MAGI2: variants seen among roughly 807,000 people sequenced by gnomAD.
The protein encoded by MAGI2 is membrane-associated guanylate kinase, WW and PDZ domain-containing protein 2.
Under a neutral mutation model 133.3 loss-of-function variants are expected in MAGI2, and 35 were observed. The ratio of observed to expected loss-of-function variants is 0.26; its 90% CI spans 0.20 to 0.35. MAGI2 has a LOEUF of 0.35. Among genes scored for constraint, MAGI2 ranks in the 10% least tolerant of loss-of-function variants. The probability of loss-of-function intolerance (pLI) is 1.00; values close to 1 mark genes in which losing one functional copy is unlikely to be tolerated. For missense variants in MAGI2, 1,636 were observed against 1,863.4 expected (o/e 0.88, Z 2.25); for synonymous variants, 729 against 710.6 (o/e 1.03, Z -0.41).
intron 1 of MAGI2, among the ~76,000 whole-genome samples, chr7:79,374,687 G>T (rs1015626398): frequency 9.9e-5 from 15 of 151,800 alleles, no homozygotes; most frequent in African/African-American, 3.4e-4. Flanking sequence ...AAGAAGAAAT[G>T]CACACTTTTA....
intron 18 of MAGI2, among the ~76,000 whole-genome samples, chr7:78,132,327 G>A (rs1036104512): frequency 9.2e-5 from 14 of 152,156 alleles, no homozygotes; most frequent in African/African-American, 1.7e-4. Context: ...TCCTGTCTGC[G>A]CTCTGCAGGG....
chr7:78,584,912 C>A (rs951316245), intron 3 of MAGI2, among the ~76,000 whole-genome samples: 1 of 152,120 alleles, frequency 6.6e-6, no homozygotes, highest in Non-Finnish European at 1.5e-5. Flanking sequence ...ATGTACCTCA[C>A]AGGGGTTTTG....
chr7:78,289,333 A>T (rs991394011), intron 9 of MAGI2, among the ~76,000 whole-genome samples: 3 of 152,210 alleles, frequency 2.0e-5, no homozygotes, highest in Non-Finnish European at 4.4e-5. Context: ...TAGCTGATTC[A>T]GTCAAGTGGA....
chr7:78,648,855 C>T (rs949727380), intron 2 of MAGI2, among the ~76,000 whole-genome samples: 4 of 152,038 alleles, frequency 2.6e-5, no homozygotes, highest in Non-Finnish European at 5.9e-5. Context: ...TGCCTCTTCC[C>T]ATCTGCTCTA....
chr7:78,853,552 C>A (rs1248446008), intron 2 of MAGI2, among the ~76,000 whole-genome samples: 20 of 151,270 alleles, frequency 1.3e-4, no homozygotes, highest in Non-Finnish European at 2.5e-4. Flanking sequence ...GACAGGGTCT[C>A]ACCATGTTGC....
At chr7:79,111,636 T>C (rs1818930501) in intron 1 of MAGI2, among the ~76,000 whole-genome samples, 1 of 152,100 alleles carries the variant, frequency 6.6e-6, no homozygotes, top group South Asian at 2.1e-4. Context: ...TTCCCAAGGG[T>C]ACACAGTTGT....
At chr7:79,342,539 G>A (rs1840979532) in intron 1 of MAGI2, among the ~76,000 whole-genome samples, 1 of 152,134 alleles carries the variant, frequency 6.6e-6, no homozygotes, top group African/African-American at 2.4e-5. Context: ...AAAGGATATA[G>A]CCAAGAAACT....
chr7:78,301,146 G>C (rs1797785212), intron 9 of MAGI2, among the ~76,000 whole-genome samples: 1 of 152,080 alleles, frequency 6.6e-6, no homozygotes, highest in Non-Finnish European at 1.5e-5. Flanking sequence ...TGCTTCCATG[G>C]GTGCTAATTT....
intron 21 of MAGI2, among the ~76,000 whole-genome samples, chr7:78,042,243 A>G (rs1283063240): frequency 6.6e-6 from 1 of 152,190 alleles, no homozygotes; most frequent in East Asian, 1.9e-4. Flanking sequence ...TGGTTGAGGA[A>G]TATGTTCTTT....
chr7:79,408,107 A>C (rs1303381652), intron 1 of MAGI2, among the ~76,000 whole-genome samples: 1 of 152,158 alleles, frequency 6.6e-6, no homozygotes, highest in Non-Finnish European at 1.5e-5. Context: ...GAAATAGTCT[A>C]GCTTGGAAAG....
At position 78,256,226 on chromosome 7, in the gene MAGI2, A is replaced by G. The variant is rs1792959875; in HGVS notation, c.1764T>C (p.Asp588=). 1.2e-6 allele frequency: 2 copies of G among 1,614,078 alleles called. No homozygotes were observed. The highest frequency in any genetic ancestry group is 8.5e-7 in the Non-Finnish European group (1 of 1,179,996). ...LDGTYPPPVH[D]DNVSMASSGA... ...CAGATGAAGCCATAGACACATTGTCATCATGGACGGGCGGTGGATACGTGC... is the reference window on the plus strand; with the variant it reads ...CAGATGAAGCCATAGACACATTGTCGTCATGGACGGGCGGTGGATACGTGC... Residue 588 remains aspartate, a synonymous_variant, in exon 10 of 22, where the codon GAT becomes GAC. Transcript: ENST00000354212.
chr7:78,722,122 T>C (rs1363640699), intron 2 of MAGI2, among the ~76,000 whole-genome samples: 1 of 151,232 alleles, frequency 6.6e-6, no homozygotes, highest in East Asian at 1.9e-4. Context: ...TAATATTCTA[T>C]AACAAATATA....
chr7:78,215,102 C>A (rs1387682443), intron 10 of MAGI2, among the ~76,000 whole-genome samples: 1 of 152,042 alleles, frequency 6.6e-6, no homozygotes, highest in Admixed American at 6.5e-5. Context: ...CAAAAGCAGA[C>A]CCTGAGAGGA....
chr7:78,529,667 G>GTTTTTTTTTTTTTTTTTTTTTTTTTT (rs1563128653), intron 3 of MAGI2, among the ~76,000 whole-genome samples: 1 of 56,320 alleles, frequency 1.8e-5, no homozygotes, highest in African/African-American at 6.5e-5. Context: ...TAAAGGAGAT[G>GTTTTTTTTTTTTTTTTTTTTTTTTTT]GTTTTTTTTT....
chr7:78,371,262 C>G (rs1300220628), intron 6 of MAGI2, among the ~76,000 whole-genome samples: 2 of 151,758 alleles, frequency 1.3e-5, no homozygotes. Context: ...CATTCAAAAC[C>G]CTTTTTTATA....
chr7:79,291,846 T>C (rs1048028010), intron 1 of MAGI2, among the ~76,000 whole-genome samples: 7 of 152,194 alleles, frequency 4.6e-5, no homozygotes, highest in African/African-American at 1.7e-4. Context: ...TTGCAAATAT[T>C]TTCACCCATT....
intron 2 of MAGI2, among the ~76,000 whole-genome samples, chr7:79,000,740 T>C (rs1169524424): frequency 1.3e-5 from 2 of 152,350 alleles, no homozygotes; most frequent in East Asian, 3.9e-4. Flanking sequence ...TTAGAAACTT[T>C]ACAGTTTTAC....
intron 1 of MAGI2, among the ~76,000 whole-genome samples, chr7:79,108,714 T>C (rs573569567): frequency 5.1e-4 from 77 of 152,302 alleles, no homozygotes; most frequent in African/African-American, 1.6e-3. Context: ...TGACTTGATA[T>C]AGTTTTGGGT....
intron 3 of MAGI2, among the ~76,000 whole-genome samples, chr7:78,532,325 C>G (rs571585715): frequency 6.6e-6 from 1 of 152,194 alleles, no homozygotes; most frequent in Non-Finnish European, 1.5e-5. Context: ...TACTTGAGAA[C>G]CTGGATGCAT....
Sources: allele counts gnomAD v4.1 joint callset (sites outside exome capture counted in the v4.1 genomes callset), GRCh38; gene constraint gnomAD v4.1.1; transcripts MANE v1.5; gene names NCBI Gene and HGNC (gene_info 2026-07-23, HGNC 2026-07-21).